The following NDST4 variants were observed in gnomAD, a reference collection of about 807,000 sequenced individuals.
NDST4 encodes the protein N-heparan sulfate sulfotransferase 4.
Under a neutral mutation model 100.8 loss-of-function variants are expected in NDST4, and 63 were observed. The observed-to-expected ratio is 0.62, with a 90% CI of 0.51 to 0.77. The LOEUF is 0.77. Ranked by LOEUF, NDST4 falls within the 30% of genes least tolerant of loss-of-function variation. The probability of loss-of-function intolerance (pLI) is 0.00; values close to 1 mark genes in which losing one functional copy is unlikely to be tolerated. For synonymous variants in NDST4, 377 were observed against 361.8 expected, an observed-to-expected ratio of 1.04 and a Z score of -0.48; for missense variants, 943 against 1,018.4, an observed-to-expected ratio of 0.93 and a Z score of 1.01.
intron 1 of NDST4, among the ~76,000 whole-genome samples, chr4:115,099,055 A>AT (rs1729677686): frequency 6.6e-6 from 1 of 152,198 alleles, no homozygotes; most frequent in Admixed American, 6.5e-5. Context: ...TGCAGAAAGG[A>AT]TAGCCTTTTC....
chr4:114,922,156 A>G (rs1163711954), intron 6 of NDST4, among the ~76,000 whole-genome samples: 2 of 152,170 alleles, frequency 1.3e-5, no homozygotes, highest in Admixed American at 1.3e-4. Flanking sequence ...AGGGAAAGGC[A>G]GTCTCCTGAC....
At chr4:115,066,354 T>C (rs1728947427) in intron 2 of NDST4, among the ~76,000 whole-genome samples, 1 of 152,204 alleles carries the variant, frequency 6.6e-6, no homozygotes, top group African/African-American at 2.4e-5. Context: ...AGATGACTTT[T>C]CCTTCCATTG....
chr4:114,986,832 A>ATATATATTTTTT lies in NDST4; in HGVS notation c.979-9559_979-9558insAAAAAATATATA. On this transcript the variant is annotated intron_variant, in intron 2 of 13. Coordinates refer to ENST00000264363, the MANE Select transcript of NDST4 (RefSeq NM_022569.3). ...TATATATATATATATATATATATAT[A>ATATATATTTTTT]TTTTAATATACTATTCCTATAAGCT... Among the ~76,000 whole-genome samples the ATATATATTTTTT allele has an allele frequency of 3.6e-3, 337 of 94,602 alleles. 6 individuals are homozygous for ATATATATTTTTT. Among genetic ancestry groups the ATATATATTTTTT allele is most frequent in the Non-Finnish European group, 4.4e-3 (202 of 46,202 alleles). The allele number at this position is 94,602 out of a possible 152,430, so 62.1% of individuals were successfully genotyped here. A position where few individuals can be genotyped will look rare whatever the true frequency, so the allele number is the denominator to read the frequency against.
chr4:114,945,071 T>C (rs993855160), intron 4 of NDST4, among the ~76,000 whole-genome samples: 4 of 151,912 alleles, frequency 2.6e-5, no homozygotes, highest in South Asian at 2.1e-4. Flanking sequence ...TAGCTGGCTG[T>C]GGTGGCACAT....
chr4:114,961,463 T>C (rs924187133), intron 4 of NDST4, among the ~76,000 whole-genome samples: 11 of 151,914 alleles, frequency 7.2e-5, no homozygotes, highest in Non-Finnish European at 1.2e-4. Context: ...ATAGACCAAG[T>C]GGGGGAAAAG....
intron 6 of NDST4, among the ~76,000 whole-genome samples, chr4:114,916,209 A>G (rs1232421753): frequency 1.3e-5 from 2 of 152,304 alleles, no homozygotes; most frequent in African/African-American, 4.8e-5. Context: ...CACCATTTCA[A>G]TGGAATAGCT....
intron 2 of NDST4, among the ~76,000 whole-genome samples, chr4:115,070,823 G>C (rs1425875611): frequency 6.6e-6 from 1 of 152,100 alleles, no homozygotes; most frequent in Non-Finnish European, 1.5e-5. Context: ...CTCGTATTCT[G>C]GCCGGGCACG....
At chr4:115,063,611 C>T (rs1329832956) in intron 2 of NDST4, among the ~76,000 whole-genome samples, 1 of 151,388 alleles carries the variant, frequency 6.6e-6, no homozygotes, top group African/African-American at 2.4e-5. Flanking sequence ...AACACAGTGG[C>T]TTTAGCTGAG....
At chr4:115,055,165 C>T (rs1728667423) in intron 2 of NDST4, among the ~76,000 whole-genome samples, 1 of 152,160 alleles carries the variant, frequency 6.6e-6, no homozygotes, top group South Asian at 2.1e-4. Context: ...TGATCTGCCA[C>T]TGTCTCCCAT....
chr4:114,992,370 C>T (rs1211306577), intron 2 of NDST4, among the ~76,000 whole-genome samples: 1 of 151,682 alleles, frequency 6.6e-6, no homozygotes, highest in Admixed American at 6.6e-5. Context: ...GCCCCACCAC[C>T]CAGATTCCTC....
At chr4:115,102,008 G>A (rs1729739804) in intron 1 of NDST4, among the ~76,000 whole-genome samples, 1 of 152,108 alleles carries the variant, frequency 6.6e-6, no homozygotes, top group African/African-American at 2.4e-5. Context: ...TGACAAGTCA[G>A]GGGAGTGACA....
intron 2 of NDST4, among the ~76,000 whole-genome samples, chr4:114,986,832 A>ATATATATATATTTTTTTT: frequency 1.4e-3 from 130 of 94,624 alleles, no homozygotes; most frequent in Non-Finnish European, 1.8e-3. Context: ...ATATATATAT[A>ATATATATATATTTTTTTT]TTTTAATATA....
chr4:115,104,820 A>G (rs1373877657), intron 1 of NDST4, among the ~76,000 whole-genome samples: 2 of 152,144 alleles, frequency 1.3e-5, no homozygotes, highest in African/African-American at 4.8e-5. Flanking sequence ...AGCAGTCAAT[A>G]CTAATCACTC....
chr4:114,982,809 C>T (rs1391426339), intron 2 of NDST4, among the ~76,000 whole-genome samples: 3 of 152,136 alleles, frequency 2.0e-5, no homozygotes, highest in Admixed American at 2.0e-4. Context: ...CCATCACAGG[C>T]CCAGAGGCCT....
Position 115,076,550 on chromosome 4 carries a change from C to G in NDST4, c.487G>C (p.Gly163Arg). ...CTGTTCTCATTGGCTTTATGAAAAC[C>G]GATTATACTAACACTGTATTCCACA... ...YCVEYSVSII[G>R]FHKANENSLP... The change falls in exon 2 of 14, where the codon GGT becomes CGT. Residue 163 changes from glycine to arginine, a missense_variant. Physicochemically the swap from Gly to Arg is moderately radical, Grantham distance 125. This residue lies in a region of NDST4 where 417 missense variants were observed against 384.2 expected (regional missense o/e 1.09). Coordinates refer to ENST00000264363, the MANE Select transcript of NDST4 (RefSeq NM_022569.3). 1 of 1,613,900 alleles carries G rather than the reference C, an allele frequency of 6.2e-7. No individual in the cohort carries two copies. Among genetic ancestry groups the G allele is most frequent in the Non-Finnish European group, 8.5e-7 (1 of 1,179,938 alleles).
At chr4:114,947,755 C>T (rs534666599) in intron 4 of NDST4, among the ~76,000 whole-genome samples, 23 of 151,554 alleles carry the variant, frequency 1.5e-4, no homozygotes, top group Non-Finnish European at 2.8e-4. Flanking sequence ...TCTTAAGTAA[C>T]GACTACATGT....
chr4:115,022,419 CAT>C (rs76015680), intron 2 of NDST4, among the ~76,000 whole-genome samples: 696 of 15,552 alleles, frequency 0.045, 13 homozygotes, highest in Admixed American at 0.086. Flanking sequence ...ATATGTGTTC[CAT>C]ATATATGTGT....
intron 10 of NDST4, among the ~76,000 whole-genome samples, chr4:114,844,811 C>G (rs1185760452): frequency 6.6e-6 from 1 of 152,186 alleles, no homozygotes; most frequent in Non-Finnish European, 1.5e-5. Flanking sequence ...GTAGATAGTG[C>G]TGCAATGCTC....
intron 1 of NDST4, 63 bp downstream of exon 1, chr4:115,113,381 C>A (rs1477752680): frequency 6.6e-6 from 1 of 151,952 alleles, no homozygotes; most frequent in Non-Finnish European, 1.5e-5. Context: ...GTTTACATAG[C>A]TAAGCAACGC....
Sources: gnomAD v4.1 joint callset for allele counts (sites outside exome capture counted in the v4.1 genomes callset) on GRCh38, gnomAD v4.1.1 for gene constraint, gnomAD v4.1.1 regional missense constraint, MANE v1.5 for transcripts, NCBI Gene and HGNC (gene_info 2026-07-23, HGNC 2026-07-21) for gene names.